LGSN: variants seen among roughly 807,000 people sequenced by gnomAD.
LGSN encodes the protein lengsin, lens protein with glutamine synthetase domain.
A neutral mutation model predicts 19.5 loss-of-function variants in LGSN; 21 were observed. That is an observed-to-expected ratio of 1.07 (90% confidence interval 0.76 to 1.55). The LOEUF is 1.55. LGSN is among the 40% of genes most tolerant of loss of function. LGSN has a pLI of 0.00. For synonymous variants in LGSN, 257 were observed against 215.6 expected (o/e 1.19, Z -1.68); for missense variants, 673 against 608.5 (o/e 1.11, Z -1.12).
the LGSN span, among the ~76,000 whole-genome samples, chr6:63,371,417 A>G: frequency 1.4e-4 from 21 of 152,260 alleles, no homozygotes; most frequent in Admixed American, 2.6e-4. Context: ...AGACATATTC[A>G]GAACAATTAG....
chr6:63,304,145 G>T (rs1768286080), intron 1 of LGSN, among the ~76,000 whole-genome samples: 1 of 152,318 alleles, frequency 6.6e-6, no homozygotes, highest in Non-Finnish European at 1.5e-5. Flanking sequence ...TGAAGGGCCA[G>T]TGTAGGCTAG....
chr6:63,553,103 CT>C, the LGSN span, among the ~76,000 whole-genome samples: 38 of 152,144 alleles, frequency 2.5e-4, no homozygotes, highest in African/African-American at 9.2e-4. Context: ...GAATGTATAT[CT>C]GTGTATATTG....
At chr6:63,529,169 ATATATATG>A in the LGSN span, among the ~76,000 whole-genome samples, 1 of 147,394 alleles carries the variant, frequency 6.8e-6, no homozygotes, top group Admixed American at 6.9e-5. Flanking sequence ...GTGTGTATAT[ATATATATG>A]TATATATATG....
chr6:63,537,798 G>A, the LGSN span, among the ~76,000 whole-genome samples: 3 of 152,188 alleles, frequency 2.0e-5, no homozygotes, highest in African/African-American at 7.2e-5. Context: ...GAAGGAGGGT[G>A]ACTATCCTAA....
At chr6:63,291,518 C>T (rs1160396497) in intron 2 of LGSN, among the ~76,000 whole-genome samples, 2 of 152,208 alleles carry the variant, frequency 1.3e-5, no homozygotes, top group African/African-American at 4.8e-5. Context: ...AACTCCTCCC[C>T]ACCTTCAGAT....
At chr6:63,483,346 G>A in the LGSN span, among the ~76,000 whole-genome samples, 2 of 149,932 alleles carry the variant, frequency 1.3e-5, no homozygotes, top group South Asian at 2.1e-4. Context: ...TTTCAAACTA[G>A]GGAGAAGTGG....
the LGSN span, among the ~76,000 whole-genome samples, chr6:63,444,797 A>G: frequency 6.6e-6 from 1 of 152,304 alleles, no homozygotes; most frequent in East Asian, 1.9e-4. Flanking sequence ...AATCAGCACA[A>G]AAATACTTAG....
chr6:63,473,076 G>T, the LGSN span, among the ~76,000 whole-genome samples: 1 of 152,154 alleles, frequency 6.6e-6, no homozygotes, highest in East Asian at 1.9e-4. Flanking sequence ...AGTTCAGCCT[G>T]GGCAGAAGTC....
chr6:63,454,896 G>A, the LGSN span, among the ~76,000 whole-genome samples: 2 of 135,780 alleles, frequency 1.5e-5, no homozygotes, highest in Admixed American at 1.6e-4. Context: ...GAGTTCAAGT[G>A]TTTCTCCTGC....
At chr6:63,522,833 G>A in the LGSN span, among the ~76,000 whole-genome samples, 111 of 150,758 alleles carry the variant, frequency 7.4e-4, no homozygotes, top group South Asian at 3.8e-3. Flanking sequence ...TTGAGGTCGT[G>A]AAATGATCCC....
chr6:63,403,979 T>C, the LGSN span, among the ~76,000 whole-genome samples: 2 of 151,976 alleles, frequency 1.3e-5, no homozygotes, highest in Non-Finnish European at 2.9e-5. Flanking sequence ...TCTTTCTCTC[T>C]CCATTGCTGG....
At chr6:63,431,787 C>T in the LGSN span, among the ~76,000 whole-genome samples, 1 of 151,984 alleles carries the variant, frequency 6.6e-6, no homozygotes, top group Non-Finnish European at 1.5e-5. Context: ...ACAGCATTGG[C>T]CGGGTGCAGT....
At chr6:63,324,976 C>T (rs1562025330), upstream of LGSN, among the ~76,000 whole-genome samples, 3 of 151,590 alleles carry the variant, frequency 2.0e-5, no homozygotes, top group Non-Finnish European at 2.9e-5. Context: ...CGTGGTTGAG[C>T]GCCTATAGTT....
the LGSN span, among the ~76,000 whole-genome samples, chr6:63,418,486 AG>A: frequency 6.6e-6 from 1 of 152,156 alleles, no homozygotes; most frequent in Admixed American, 6.5e-5. Context: ...TCTTGAACCC[AG>A]GAGGCGGAGG....
chr6:63,320,666 G>T (rs1769049944), upstream of LGSN, among the ~76,000 whole-genome samples: 1 of 152,092 alleles, frequency 6.6e-6, no homozygotes. Context: ...ACTAGTAAAG[G>T]GGGTTTGAAA....
the LGSN span, among the ~76,000 whole-genome samples, chr6:63,345,260 G>A: frequency 6.6e-6 from 1 of 152,080 alleles, no homozygotes; most frequent in Admixed American, 6.6e-5. Flanking sequence ...TTTTAGTAAG[G>A]TGGTTTCTTT....
chr6:63,354,100 C>T, the LGSN span, among the ~76,000 whole-genome samples: 1 of 151,966 alleles, frequency 6.6e-6, no homozygotes, highest in Admixed American at 6.6e-5. Flanking sequence ...GACTTTATGG[C>T]TAAGACCTCA....
chr6:63,346,913 C>T, the LGSN span, among the ~76,000 whole-genome samples: 2,677 of 152,244 alleles, frequency 0.018, 45 homozygotes, highest in South Asian at 0.061. Context: ...CTATGGACTG[C>T]TGAACACATG....
chr6:63,407,839 T>C, the LGSN span, among the ~76,000 whole-genome samples: 470 of 152,284 alleles, frequency 3.1e-3, 1 homozygote, highest in African/African-American at 0.011. Flanking sequence ...AGTCTCAGGA[T>C]ACAAAATCAA....
Sources: gnomAD v4.1 joint callset for allele counts (sites outside exome capture counted in the v4.1 genomes callset) on GRCh38, gnomAD v4.1.1 for gene constraint, MANE v1.5 for transcripts, NCBI Gene and HGNC (gene_info 2026-07-23, HGNC 2026-07-21) for gene names.